Variants in SGCZ observed in about 807,000 individuals in gnomAD.
The protein encoded by SGCZ is sarcoglycan zeta.
SGCZ carries 40 observed loss-of-function variants against 41.3 expected under a neutral mutation model. That is an observed-to-expected ratio of 0.97 (90% CI 0.75 to 1.26). The LOEUF is 1.26. Among genes scored for constraint, SGCZ ranks in the 50% most tolerant of loss-of-function variants. The probability of loss-of-function intolerance (pLI) is 0.00; values close to 1 mark genes in which losing one functional copy is unlikely to be tolerated. For missense variants in SGCZ, 552 were observed against 369.8 expected, an observed-to-expected ratio of 1.49 and a Z score of -4.04; for synonymous variants, 206 against 137.5, an observed-to-expected ratio of 1.50 and a Z score of -3.49.
chr8:14,405,927 C>A (rs182633678), intron 2 of SGCZ, among the ~76,000 whole-genome samples: 8 of 152,208 alleles, frequency 5.3e-5, no homozygotes, highest in African/African-American at 1.9e-4. Flanking sequence ...GAGGTGCAAG[C>A]AAATATGCAA....
At position 14,678,125 on chromosome 8, in the gene SGCZ, G is replaced by C. The variant is rs141320152; in HGVS notation, c.40-123199C>G. On this transcript the variant is annotated intron_variant, in intron 1 of 7. Transcript: ENST00000382080. ...TAGGAGAAAATCTAGATGAGCTTTT[G>C]TTTGGCAATGTTGACGTAGATACAA... Among the ~76,000 whole-genome samples, 1,150 of 152,246 alleles carry C rather than the reference G, an allele frequency of 7.6e-3. 16 individuals are homozygous for C. Among genetic ancestry groups the C allele is most frequent in the Middle Eastern group, 0.02 (6 of 294 alleles).
At chr8:14,206,723 G>C (rs140428369) in intron 4 of SGCZ, among the ~76,000 whole-genome samples, 1 of 152,122 alleles carries the variant, frequency 6.6e-6, no homozygotes, top group Admixed American at 6.6e-5. Flanking sequence ...GCTATAACTG[G>C]TAAGGGTATT....
chr8:14,678,135 G>GAC (rs879696789), intron 1 of SGCZ, among the ~76,000 whole-genome samples: 1,923 of 152,262 alleles, frequency 0.013, 35 homozygotes, highest in African/African-American at 0.031. Flanking sequence ...GTTTGGCAAT[G>GAC]TTGACGTAGA....
chr8:14,807,833 C>A (rs1299352623), intron 1 of SGCZ, among the ~76,000 whole-genome samples: 1 of 152,180 alleles, frequency 6.6e-6, no homozygotes, highest in African/African-American at 2.4e-5. Context: ...TCAAACTGTA[C>A]TACAAGGCTA....
At chr8:14,103,554 C>G (rs1307707371) in intron 6 of SGCZ, among the ~76,000 whole-genome samples, 1 of 152,134 alleles carries the variant, frequency 6.6e-6, no homozygotes, top group African/African-American at 2.4e-5. Flanking sequence ...CTCTGGAGTT[C>G]AGCTCCCTCT....
chr8:15,211,635 C>G (rs1801239874), intron 1 of SGCZ, among the ~76,000 whole-genome samples: 1 of 152,150 alleles, frequency 6.6e-6, no homozygotes, highest in Non-Finnish European at 1.5e-5. Flanking sequence ...CAATATCATA[C>G]CTTCTTCTAT....
rs191597156 is a variant in SGCZ, at chr8:15,189,030, A to G, written c.39+48555T>C. ...TGCTCACAGAGATGGAAGAAACCAT[A>G]AAACTATTAAAAGCTTGGTACACAG... On this transcript the variant is annotated intron_variant, in intron 1 of 7. Transcript: ENST00000382080. Among the ~76,000 whole-genome samples the G allele has an allele frequency of 2.3e-3, 350 of 152,348 alleles. 2 individuals carry two copies. The highest frequency in any genetic ancestry group is 7.9e-3 in the African/African-American group (328 of 41,594).
At chr8:14,365,571 G>T (rs1464833319) in intron 2 of SGCZ, among the ~76,000 whole-genome samples, 2 of 151,972 alleles carry the variant, frequency 1.3e-5, no homozygotes, top group African/African-American at 4.8e-5. Context: ...AAACAAATCT[G>T]GGATTGTTTC....
chr8:15,049,821 G>C (rs560122479), intron 1 of SGCZ, among the ~76,000 whole-genome samples: 1 of 152,254 alleles, frequency 6.6e-6, no homozygotes, highest in Non-Finnish European at 1.5e-5. Flanking sequence ...TAAGTCTCAT[G>C]AGATCTGATG....
At chr8:14,474,627 C>A (rs987327890) in intron 2 of SGCZ, among the ~76,000 whole-genome samples, 2 of 152,008 alleles carry the variant, frequency 1.3e-5, no homozygotes, top group Admixed American at 1.3e-4. Context: ...ACATACAGGT[C>A]CATTAAAATT....
chr8:14,254,560 T>C (rs1179997589), intron 3 of SGCZ, among the ~76,000 whole-genome samples: 7 of 152,250 alleles, frequency 4.6e-5, no homozygotes, highest in Non-Finnish European at 8.8e-5. Flanking sequence ...CAGCTTTTAG[T>C]GTCATATTCC....
rs564343353 is a variant in SGCZ, at chr8:14,359,949, G to C, written c.235-35745C>G. 2.0e-5 allele frequency among the ~76,000 whole-genome samples: 3 copies of C among 152,188 alleles called. No individual in the cohort carries two copies. In the East Asian group the frequency reaches 5.8e-4, roughly 29 times the overall value. On this transcript the variant is annotated intron_variant, in intron 2 of 7. Transcript: ENST00000382080. ...ATTGGGATTTATCTCACGGATGTAA[G>C]CATGGTTCAACATATGCAAATGAAT...
intron 1 of SGCZ, among the ~76,000 whole-genome samples, chr8:14,711,080 T>C (rs1399710595): frequency 1.3e-5 from 2 of 152,190 alleles, no homozygotes; most frequent in Admixed American, 6.5e-5. Context: ...GAAAAGCTTA[T>C]GCTTATTCAT....
intron 1 of SGCZ, among the ~76,000 whole-genome samples, chr8:15,152,398 AAAATTAACAGG>A (rs1799203439): frequency 6.6e-6 from 1 of 152,244 alleles, no homozygotes. Flanking sequence ...TACGTGGAAG[AAAATTAACAGG>A]AAATAAACAC....
intron 1 of SGCZ, among the ~76,000 whole-genome samples, chr8:14,559,932 C>T (rs562587868): frequency 6.6e-6 from 1 of 151,814 alleles, no homozygotes; most frequent in South Asian, 2.1e-4. Flanking sequence ...GATGTGAAAC[C>T]CATTATGTTA....
chr8:14,954,893 T>C (rs1006480922), intron 1 of SGCZ, among the ~76,000 whole-genome samples: 1 of 152,178 alleles, frequency 6.6e-6, no homozygotes. Context: ...TGTTACAGAG[T>C]AATAGAAAAC....
At chr8:15,070,523 T>C (rs1474446529) in intron 1 of SGCZ, among the ~76,000 whole-genome samples, 1 of 152,146 alleles carries the variant, frequency 6.6e-6, no homozygotes, top group African/African-American at 2.4e-5. Flanking sequence ...CCTCTAACAA[T>C]GAATATCTTA....
intron 1 of SGCZ, among the ~76,000 whole-genome samples, chr8:14,854,021 T>TTA (rs10604213): frequency 0.15 from 16,377 of 107,076 alleles, 1,098 homozygotes; most frequent in Non-Finnish European, 0.18. Flanking sequence ...TGTGATTATA[T>TTA]TATATATATA....
chr8:14,720,161 A>G lies in SGCZ; in HGVS notation c.40-165235T>C, dbSNP rs116582382. On this transcript the variant is annotated intron_variant, in intron 1 of 7. Transcript: ENST00000382080. ...ACTATCTGATCTTGGCCACAAATAC[A>G]TATCTTCAAAAAAATACCTACTTGA... 9.6e-3 allele frequency among the ~76,000 whole-genome samples: 1,465 copies of G among 152,048 alleles called. 21 individuals carry two copies. The highest frequency in any genetic ancestry group is 0.031 in the Middle Eastern group (9 of 294).
Sources: gnomAD v4.1 joint callset for allele counts (sites outside exome capture counted in the v4.1 genomes callset) on GRCh38, gnomAD v4.1.1 for gene constraint, MANE v1.5 for transcripts, NCBI Gene and HGNC (gene_info 2026-07-23, HGNC 2026-07-21) for gene names.